DST: variants seen among roughly 807,000 people sequenced by gnomAD.
DST encodes dystonin, also known as bullous pemphigoid antigen.
A neutral mutation model predicts 875.2 loss-of-function variants in DST; 253 were observed. That is an observed-to-expected ratio of 0.29 (90% CI 0.26 to 0.32). The LOEUF is 0.32. DST is among the 10% of genes least tolerant of loss of function. The pLI is 1.00. For missense variants in DST, 8,287 were observed against 9,111.6 expected (o/e 0.91, Z 3.68); for synonymous variants, 3,124 against 3,197.1 (o/e 0.98, Z 0.77).
chr6:56,669,338 G>T (rs372910667), intron 10 of DST, among the ~76,000 whole-genome samples: 2 of 149,324 alleles, frequency 1.3e-5, no homozygotes, highest in African/African-American at 4.9e-5. Context: ...TTTTCAGCCT[G>T]TAATCCTAGC....
rs1319824899 is a variant in DST at position 56,593,565 on chromosome 6, G to A, written c.12726+98C>T. 11 of 794,358 alleles carry A rather than the reference G, an allele frequency of 1.4e-5. No homozygotes were observed. In the East Asian group the frequency reaches 1.9e-4, roughly 14 times the overall value. The allele number at this position is 794,358 out of a possible 1,614,324, so 49.2% of individuals were successfully genotyped here. A position where few individuals can be genotyped will look rare whatever the true frequency, so the allele number is the denominator to read the frequency against. On this transcript the variant is annotated intron_variant, in intron 48 of 103. Coordinates refer to ENST00000680361, the MANE Select transcript of DST (RefSeq NM_001374736.1). ...TAGGCTAAAGCTACCTTTTCCTCCT[G>A]TTTTGGATTTTAGGTTTCTTGCCTC...
At chr6:56,619,728 G>A in intron 36 of DST, 1 of 1,614,030 alleles carries the variant, frequency 6.2e-7, no homozygotes. Flanking sequence ...CTGAGTTGTT[G>A]AGAATACCCT....
chr6:56,526,681 C>T (rs1008157869), intron 68 of DST, 114 bp from the exon 69 acceptor site: 6 of 850,462 alleles, frequency 7.1e-6, no homozygotes, highest in South Asian at 2.1e-5. Flanking sequence ...TTGCCCCACT[C>T]CCCCCCTCCC....
intron 61 of DST, among the ~76,000 whole-genome samples, chr6:56,550,879 G>A (rs1177511360): frequency 6.6e-6 from 1 of 152,138 alleles, no homozygotes; most frequent in Non-Finnish European, 1.5e-5. Flanking sequence ...AGTCTTTGAT[G>A]CAGCAATTGC....
rs149695429 is a variant in DST, at chr6:56,459,605, G to A, written c.23195-338C>T. On this transcript the variant is annotated intron_variant, in intron 103 of 103. Transcript: ENST00000680361. Reference sequence around the variant, plus strand: ...GTTTAAATTATGCCTCCAGGGATGCGTGTGATGCAAACATAGAACAAACAA... The same window carrying A: ...GTTTAAATTATGCCTCCAGGGATGCATGTGATGCAAACATAGAACAAACAA... Among the ~76,000 whole-genome samples the A allele has an allele frequency of 5.9e-4, 90 of 152,286 alleles. 1 individual carries two copies. The South Asian group carries it at 0.017, about 29-fold the overall frequency.
intron 5 of DST, among the ~76,000 whole-genome samples, chr6:56,727,220 C>T (rs756900184): frequency 2.0e-5 from 3 of 152,236 alleles, no homozygotes; most frequent in African/African-American, 4.8e-5. Context: ...CACCTCCCCA[C>T]TTTGAGTTGT....
intron 76 of DST, 34 bp from the exon 77 acceptor site, chr6:56,506,578 A>C (rs368392190): frequency 3.0e-5 from 48 of 1,608,340 alleles, no homozygotes; most frequent in Non-Finnish European, 3.7e-5. Flanking sequence ...TTTTAGTGCC[A>C]TATTTTAAAC....
intron 37 of DST, 52 bp from the exon 38 acceptor site, chr6:56,611,648 G>C (rs2098545862): frequency 1.6e-6 from 2 of 1,250,718 alleles, no homozygotes; most frequent in Non-Finnish European, 2.3e-6. Flanking sequence ...GGAGTAAACA[G>C]TATTTTTTTT....
chr6:56,704,239 T>C (rs778622246), intron 6 of DST, 41 bp downstream of exon 6: 4 of 1,063,672 alleles, frequency 3.8e-6, no homozygotes, highest in East Asian at 2.6e-5. Flanking sequence ...GCAGAAAAGA[T>C]TACACGTTCT....
chr6:56,468,659 T>C (rs2094713870), intron 98 of DST, among the ~76,000 whole-genome samples: 1 of 152,190 alleles, frequency 6.6e-6, no homozygotes, highest in South Asian at 2.1e-4. Context: ...CAAATTTGTG[T>C]TCCAATGAGT....
chr6:56,662,911 T>C (rs1189177404), intron 10 of DST, among the ~76,000 whole-genome samples: 3 of 152,152 alleles, frequency 2.0e-5, no homozygotes, highest in East Asian at 3.9e-4. Flanking sequence ...ATCGCACCAC[T>C]GCACTCCAGC....
At chr6:56,892,680 C>G (rs1483749851) in intron 3 of DST, among the ~76,000 whole-genome samples, 1 of 152,150 alleles carries the variant, frequency 6.6e-6, no homozygotes. Flanking sequence ...AGTAATTATG[C>G]CTTAACCAAC....
chr6:56,621,049 T>G (rs565743304), intron 36 of DST, among the ~76,000 whole-genome samples: 7 of 152,330 alleles, frequency 4.6e-5, no homozygotes, highest in Admixed American at 1.3e-4. Flanking sequence ...ACAGATATTT[T>G]TGCAAACTCA....
intron 9 of DST, among the ~76,000 whole-genome samples, chr6:56,682,892 G>T (rs1189160815): frequency 6.6e-6 from 1 of 152,162 alleles, no homozygotes; most frequent in East Asian, 1.9e-4. Flanking sequence ...TGCAGTCTGG[G>T]AACCAAAGCA....
intron 33 of DST, 68 bp downstream of exon 33, chr6:56,627,931 A>G (rs2098748047): frequency 1.4e-6 from 2 of 1,422,456 alleles, no homozygotes; most frequent in Non-Finnish European, 2.0e-6. Context: ...AACATAGGAA[A>G]GGAAGATGAG....
At chr6:56,617,737 A>T (rs957951050) in intron 36 of DST, among the ~76,000 whole-genome samples, 1 of 152,212 alleles carries the variant, frequency 6.6e-6, no homozygotes, top group African/African-American at 2.4e-5. Context: ...TTCAGAATGT[A>T]TCTCCACAGA....
chr6:56,832,663 T>C (rs916679659), intron 4 of DST, among the ~76,000 whole-genome samples: 2 of 151,938 alleles, frequency 1.3e-5, no homozygotes, highest in Non-Finnish European at 2.9e-5. Flanking sequence ...CTTCAAGAGG[T>C]ATAAAATTCA....
chr6:56,505,762 C>T (rs4331988), intron 77 of DST, among the ~76,000 whole-genome samples: 117,437 of 151,970 alleles, frequency 0.77, 45,968 homozygotes, highest in African/African-American at 0.89. Flanking sequence ...TGTTAGGAAA[C>T]GGAGCAAGGT....
chr6:56,772,163 A>G (rs779641600), intron 4 of DST, among the ~76,000 whole-genome samples: 1 of 152,196 alleles, frequency 6.6e-6, no homozygotes, highest in Non-Finnish European at 1.5e-5. Context: ...AAATAGGTAT[A>G]TTTTTAGGCT....
Sources: allele counts gnomAD v4.1 joint callset (sites outside exome capture counted in the v4.1 genomes callset), GRCh38; gene constraint gnomAD v4.1.1; transcripts MANE v1.5; gene names NCBI Gene and HGNC (gene_info 2026-07-23, HGNC 2026-07-21).